The following MROH9 variants were observed in gnomAD, a reference collection of about 807,000 sequenced individuals.
MROH9 encodes the protein maestro heat-like repeat-containing protein family member 9.
MROH9 carries 92 observed loss-of-function variants against 98.2 expected under a neutral mutation model. The ratio of observed to expected loss-of-function variants is 0.94; its 90% confidence interval spans 0.79 to 1.11. The LOEUF (loss-of-function observed/expected upper bound fraction) is 1.11, where lower values mean the gene tolerates loss of function less well. MROH9 is among the 50% of genes most tolerant of loss of function. The pLI is 0.00. For missense variants in MROH9, 1,057 were observed against 1,014.8 expected (o/e 1.04, Z -0.57); for synonymous variants, 397 against 368.9 (o/e 1.08, Z -0.87).
At chr1:170,981,906 C>T (rs977083414) in intron 8 of MROH9, among the ~76,000 whole-genome samples, 9 of 152,122 alleles carry the variant, frequency 5.9e-5, no homozygotes, top group African/African-American at 2.2e-4. Context: ...CCACTACACA[C>T]TCATTAGAAT....
At chr1:171,018,310 C>T (rs1652397021) in intron 17 of MROH9, among the ~76,000 whole-genome samples, 1 of 151,828 alleles carries the variant, frequency 6.6e-6, no homozygotes, top group African/African-American at 2.4e-5. Context: ...AGAAGAGGGA[C>T]CTGACCATTG....
intron 1 of MROH9, among the ~76,000 whole-genome samples, chr1:170,937,626 A>G (rs930818852): frequency 1.4e-5 from 2 of 141,920 alleles, no homozygotes. Flanking sequence ...GGTTCACGCC[A>G]TTCTCCTGCC....
chr1:170,955,899 G>A (rs542075298), intron 3 of MROH9, among the ~76,000 whole-genome samples: 37 of 152,192 alleles, frequency 2.4e-4, no homozygotes, highest in Non-Finnish European at 5.1e-4. Context: ...CTAAGCCAAC[G>A]TCTAGAAGGG....
At chr1:171,001,939 T>C (rs953325264) in intron 15 of MROH9, among the ~76,000 whole-genome samples, 1 of 152,174 alleles carries the variant, frequency 6.6e-6, no homozygotes, top group Admixed American at 6.5e-5. Flanking sequence ...GGTGCAAATA[T>C]GTTTAGGATT....
intron 20 of MROH9, among the ~76,000 whole-genome samples, chr1:171,054,036 G>A (rs571243952): frequency 7.2e-5 from 11 of 152,198 alleles, no homozygotes; most frequent in African/African-American, 2.4e-4. Flanking sequence ...TTCAAAATTA[G>A]CAAATAAATA....
chr1:170,987,817 C>T (rs1303491552), intron 10 of MROH9, among the ~76,000 whole-genome samples: 2 of 152,192 alleles, frequency 1.3e-5, no homozygotes, highest in Non-Finnish European at 1.5e-5. Flanking sequence ...CTACCTTCAG[C>T]TTATTGATGA....
intron 20 of MROH9, among the ~76,000 whole-genome samples, chr1:171,055,090 G>A (rs1437838969): frequency 6.6e-6 from 1 of 150,810 alleles, no homozygotes; most frequent in Non-Finnish European, 1.5e-5. Context: ...ATTTGCAATT[G>A]CAAAAATATA....
chr1:170,986,238 T>C (rs1302440891), intron 9 of MROH9, among the ~76,000 whole-genome samples: 2 of 152,168 alleles, frequency 1.3e-5, no homozygotes, highest in African/African-American at 4.8e-5. Flanking sequence ...GCTTTCTTCA[T>C]AGTTGTTTCT....
chr1:170,935,943 G>C (rs2101854886), intron 1 of MROH9, among the ~76,000 whole-genome samples: 1 of 119,794 alleles, frequency 8.3e-6, no homozygotes, highest in Admixed American at 1.2e-4. Context: ...AGTGAGCCGA[G>C]ATCATGCTAC....
chr1:171,011,495 A>G (rs1652153950), intron 15 of MROH9, among the ~76,000 whole-genome samples: 1 of 152,196 alleles, frequency 6.6e-6, no homozygotes, highest in South Asian at 2.1e-4. Flanking sequence ...TCCTTGACTT[A>G]CATTTGGAGA....
Position 171,037,115 on chromosome 1 carries a change from T to C in MROH9, c.2281+11695T>C, listed in dbSNP as rs115879234. ...TATACTTTTAATTTAAAAATACATGTTTTAAATTATGCTAATCTCAAAGCA... is the reference window on the plus strand; with the variant it reads ...TATACTTTTAATTTAAAAATACATGCTTTAAATTATGCTAATCTCAAAGCA... On this transcript the variant is annotated intron_variant, in intron 20 of 21. Transcript: ENST00000367759. Among the ~76,000 whole-genome samples, 1,382 of 152,000 alleles carry C rather than the reference T, an allele frequency of 9.1e-3. 17 individuals are homozygous for C. Among genetic ancestry groups the C allele is most frequent in the African/African-American group, 0.032 (1,317 of 41,508 alleles).
At chr1:171,013,759 T>A (rs1483041389) in intron 15 of MROH9, among the ~76,000 whole-genome samples, 2 of 152,102 alleles carry the variant, frequency 1.3e-5, no homozygotes, top group Admixed American at 1.3e-4. Flanking sequence ...TATCACCTCT[T>A]AGCATATGTA....
intron 15 of MROH9, among the ~76,000 whole-genome samples, chr1:170,999,894 A>G (rs1410929190): frequency 6.6e-6 from 1 of 152,058 alleles, no homozygotes; most frequent in Non-Finnish European, 1.5e-5. Flanking sequence ...GTAAGGTGGT[A>G]TTGCATTGTG....
At chr1:171,024,305 T>TGG in intron 17 of MROH9, 90 bp from the exon 18 acceptor site, 1 of 608,374 alleles carries the variant, frequency 1.6e-6, no homozygotes, top group Non-Finnish European at 2.7e-6. Context: ...TTATATGGGG[T>TGG]GTGTGTGTGT....
intron 15 of MROH9, among the ~76,000 whole-genome samples, chr1:171,004,828 G>A (rs1042439587): frequency 6.6e-6 from 1 of 151,876 alleles, no homozygotes; most frequent in African/African-American, 2.4e-5. Flanking sequence ...TGTTCCATGG[G>A]TCAATATGTC....
At position 170,971,908 on chromosome 1, in the gene MROH9, T is replaced by C; in HGVS notation, c.616+25T>C. Reference sequence around the variant, plus strand: ...GGTAAGAACAGTTCACCATCTTTTCTCAGGATTACTAAGAATATGTCCCTC... The same window carrying C: ...GGTAAGAACAGTTCACCATCTTTTCCCAGGATTACTAAGAATATGTCCCTC... On this transcript the variant is annotated intron_variant, in intron 8 of 21. Coordinates refer to ENST00000367759, the MANE Select transcript of MROH9 (RefSeq NM_001163629.2). The C allele has an allele frequency of 2.5e-6, 4 of 1,610,000 alleles. No individual in the cohort carries two copies. In the South Asian group the frequency reaches 4.4e-5, roughly 18 times the overall value.
At chr1:170,971,937 A>T in intron 8 of MROH9, 54 bp downstream of exon 8, 1 of 1,584,780 alleles carries the variant, frequency 6.3e-7, no homozygotes, top group South Asian at 1.1e-5. Context: ...GTCCCTCGTT[A>T]TTCAACTTAT....
chr1:171,054,494 CCCAAAAGCAAAT>C (rs150265421), intron 20 of MROH9, among the ~76,000 whole-genome samples: 2,220 of 152,192 alleles, frequency 0.015, 64 homozygotes, highest in African/African-American at 0.051. Context: ...TGACCAAGAA[CCCAAAAGCAAAT>C]GCAACAAAAT....
intron 8 of MROH9, among the ~76,000 whole-genome samples, chr1:170,981,568 T>C (rs1007551632): frequency 1.3e-5 from 2 of 151,684 alleles, no homozygotes; most frequent in Non-Finnish European, 2.9e-5. Context: ...TGAGAACACA[T>C]GGACACAGAG....
Sources: gnomAD v4.1 joint callset for allele counts (sites outside exome capture counted in the v4.1 genomes callset) on GRCh38, gnomAD v4.1.1 for gene constraint, MANE v1.5 for transcripts, NCBI Gene and HGNC (gene_info 2026-07-23, HGNC 2026-07-21) for gene names.